The following ABCB5 variants were observed in gnomAD, a reference collection of about 807,000 sequenced individuals.
The protein encoded by ABCB5 is ATP-binding cassette sub-family B member 5.
In ABCB5, 155 loss-of-function variants were observed where a neutral mutation model predicts 144.2. The observed-to-expected ratio is 1.08, with a 90% confidence interval of 0.94 to 1.23. The LOEUF (loss-of-function observed/expected upper bound fraction) is 1.23. ABCB5 is among the 50% of genes most tolerant of loss of function. The pLI is 0.00. For synonymous variants in ABCB5, 610 were observed against 528.6 expected (o/e 1.15, Z -2.11); for missense variants, 1,830 against 1,520.8 (o/e 1.20, Z -3.38).
At chr7:20,733,330 C>T (rs975195572) in intron 23 of ABCB5, among the ~76,000 whole-genome samples, 2 of 152,090 alleles carry the variant, frequency 1.3e-5, no homozygotes, top group African/African-American at 4.8e-5. Context: ...ATAAATGGAA[C>T]AGGTGACCTG....
intron 12 of ABCB5, 120 bp from the exon 13 acceptor site, chr7:20,651,300 A>C: frequency 1.2e-6 from 1 of 857,156 alleles, no homozygotes; most frequent in Non-Finnish European, 1.8e-6. Context: ...ATCAAAATAT[A>C]GTCAGTCTTT....
At chr7:20,616,749 A>G (rs1783694951) in intron 1 of ABCB5, among the ~76,000 whole-genome samples, 1 of 152,170 alleles carries the variant, frequency 6.6e-6, no homozygotes, top group Non-Finnish European at 1.5e-5. Context: ...ACAAGTTTCA[A>G]GTTAAATTTA....
intron 24 of ABCB5, among the ~76,000 whole-genome samples, chr7:20,740,846 C>T (rs1782537934): frequency 6.6e-6 from 1 of 152,030 alleles, no homozygotes; most frequent in Non-Finnish European, 1.5e-5. Flanking sequence ...GTGGCTTACA[C>T]CTGTAATCCC....
At chr7:20,702,369 G>A (rs1786657456) in intron 19 of ABCB5, among the ~76,000 whole-genome samples, 1 of 151,992 alleles carries the variant, frequency 6.6e-6, no homozygotes, top group Admixed American at 6.6e-5. Context: ...ATCACTAAGG[G>A]GCTTCAAAAT....
intron 3 of ABCB5, among the ~76,000 whole-genome samples, chr7:20,627,062 A>G (rs1174562400): frequency 6.6e-6 from 1 of 152,146 alleles, no homozygotes; most frequent in African/African-American, 2.4e-5. Flanking sequence ...TTATCTAAGA[A>G]TTTTTTAAAG....
intron 5 of ABCB5, among the ~76,000 whole-genome samples, chr7:20,642,263 T>C (rs1056097301): frequency 3.9e-5 from 6 of 152,224 alleles, no homozygotes; most frequent in African/African-American, 1.2e-4. Context: ...CACTTTGGAC[T>C]TCTTTTGTTT....
At chr7:20,636,378 T>C (rs950100805) in intron 5 of ABCB5, among the ~76,000 whole-genome samples, 1 of 152,144 alleles carries the variant, frequency 6.6e-6, no homozygotes. Context: ...TGAAAAGATA[T>C]GTCTATGTAC....
intron 21 of ABCB5, among the ~76,000 whole-genome samples, chr7:20,723,613 T>C (rs1276657982): frequency 2.0e-5 from 3 of 152,244 alleles, no homozygotes; most frequent in Admixed American, 1.3e-4. Flanking sequence ...ACAATGTTAT[T>C]ATACGCAAAA....
At position 20,728,474 on chromosome 7, in the gene ABCB5, C is replaced by A; in HGVS notation, c.2867+19C>A. ...TGTTCATGTAAGTCGTGGAAATAGT[C>A]CGGACCTGGTAGCTCACACCTGTAA... is the stretch of plus-strand genomic sequence containing the variant. On this transcript the variant is annotated intron_variant, in intron 23 of 27. Coordinates refer to ENST00000404938, the MANE Select transcript of ABCB5 (RefSeq NM_001163941.2). 6.2e-7 allele frequency: 1 copy of A among 1,612,516 alleles called. No individual in the cohort carries two copies. Among genetic ancestry groups the A allele is most frequent in the Non-Finnish European group, 8.5e-7 (1 of 1,179,106 alleles).
chr7:20,676,880 A>G (rs1024601537), intron 14 of ABCB5, among the ~76,000 whole-genome samples: 2 of 152,198 alleles, frequency 1.3e-5, no homozygotes, highest in African/African-American at 4.8e-5. Context: ...CAAGACAGAA[A>G]TTGGCAGAAA....
At chr7:20,723,284 A>G (rs979962480) in intron 21 of ABCB5, 65 bp downstream of exon 21, 2 of 1,476,434 alleles carry the variant, frequency 1.4e-6, no homozygotes, top group East Asian at 4.7e-5. Flanking sequence ...ACTTTATGAT[A>G]TGTTAACTAT....
intron 5 of ABCB5, among the ~76,000 whole-genome samples, chr7:20,642,402 T>C (rs752246495): frequency 1.1e-4 from 16 of 152,338 alleles, no homozygotes; most frequent in South Asian, 4.1e-4. Context: ...CCAGCTATAA[T>C]ATCACTTCCT....
chr7:20,731,369 A>AAAAAT (rs57305244), intron 23 of ABCB5, among the ~76,000 whole-genome samples: 9 of 123,072 alleles, frequency 7.3e-5, no homozygotes, highest in South Asian at 2.6e-4. Flanking sequence ...AAAAAAAAAA[A>AAAAAT]ATATATATAT....
intron 2 of ABCB5, among the ~76,000 whole-genome samples, chr7:20,623,652 A>T (rs992656071): frequency 7.2e-5 from 11 of 152,160 alleles, no homozygotes; most frequent in Non-Finnish European, 2.9e-5. Context: ...GCAAATTTTA[A>T]TTTCAATTCT....
At chr7:20,728,187 T>C in intron 22 of ABCB5, 128 bp from the exon 23 acceptor site, 1 of 1,119,740 alleles carries the variant, frequency 8.9e-7, no homozygotes, top group East Asian at 2.5e-5. Context: ...TTCTCTTTCA[T>C]CATTCGAAAA....
chr7:20,634,238 T>TTG (rs10688708), intron 5 of ABCB5, among the ~76,000 whole-genome samples: 80,318 of 140,266 alleles, frequency 0.57, 23,075 homozygotes, highest in Middle Eastern at 0.75. Context: ...GTATTCCATG[T>TTG]TGTGTGTGTG....
At position 20,745,448 on chromosome 7, in the gene ABCB5, T is replaced by G; in HGVS notation, c.3429+10T>G. On this transcript the variant is annotated intron_variant, in intron 26 of 27. Transcript: ENST00000404938. ...TGAAGGTCTCCCTGAGGTAAGAAAA[T>G]TTCTGAAATCTTGAATTATAAAGCT... 6.2e-7 allele frequency: 1 copy of G among 1,613,700 alleles called. No individual in the cohort carries two copies. Among genetic ancestry groups the G allele is most frequent in the Non-Finnish European group, 8.5e-7 (1 of 1,179,842 alleles).
At chr7:20,714,370 G>A (rs1294264156) in intron 20 of ABCB5, among the ~76,000 whole-genome samples, 1 of 150,936 alleles carries the variant, frequency 6.6e-6, no homozygotes. Flanking sequence ...CTGTATTTTT[G>A]TGCCTCTTGC....
At position 20,727,029 on chromosome 7, in the gene ABCB5, T is replaced by G; in HGVS notation, c.2626-11T>G. 1 of 1,587,262 alleles carries G rather than the reference T, an allele frequency of 6.3e-7. No individual in the cohort carries two copies. The highest frequency in any genetic ancestry group is 2.2e-5 in the East Asian group (1 of 44,620). On this transcript the variant is annotated splice_polypyrimidine_tract_variant and intron_variant, in intron 21 of 27. Coordinates refer to ENST00000404938, the MANE Select transcript of ABCB5 (RefSeq NM_001163941.2). ...ATTTTATTTCTATATTGTATTGTCC[T>G]GTTTTATAAGATAGCAACTGAAGCT...
Sources: gnomAD v4.1 joint callset for allele counts (sites outside exome capture counted in the v4.1 genomes callset) on GRCh38, gnomAD v4.1.1 for gene constraint, MANE v1.5 for transcripts, NCBI Gene and HGNC (gene_info 2026-07-23, HGNC 2026-07-21) for gene names.